The following RPAP2 variants were observed in gnomAD, a reference collection of about 807,000 sequenced individuals.
The protein encoded by RPAP2 is putative RNA polymerase II subunit B1 CTD phosphatase RPAP2.
In RPAP2, 52 loss-of-function variants were observed where a neutral mutation model predicts 73.1. The observed-to-expected ratio is 0.71, with a 90% confidence interval of 0.57 to 0.90. The LOEUF (loss-of-function observed/expected upper bound fraction) is 0.90, where lower values mean the gene tolerates loss of function less well. Ranked by LOEUF, RPAP2 falls within the 40% of genes least tolerant of loss-of-function variation. The probability of loss-of-function intolerance (pLI) is 0.00; values close to 1 mark genes in which losing one functional copy is unlikely to be tolerated. For synonymous variants in RPAP2, 225 were observed against 242.1 expected, an observed-to-expected ratio of 0.93 and a Z score of 0.65; for missense variants, 598 against 701.8, an observed-to-expected ratio of 0.85 and a Z score of 1.67.
At position 92,352,365 on chromosome 1, in the gene RPAP2, G is replaced by A. The variant is rs987457860; in HGVS notation, c.1688+6451G>A. Reference sequence around the variant, plus strand: ...AGCCACTTTAGGTAACCATCATACAGATAGATACTCTGGAGAGTCACTTCC... The same window carrying A: ...AGCCACTTTAGGTAACCATCATACAAATAGATACTCTGGAGAGTCACTTCC... On this transcript the variant is annotated intron_variant, in intron 11 of 12. Coordinates refer to ENST00000610020, the MANE Select transcript of RPAP2 (RefSeq NM_024813.3). 2.6e-5 allele frequency among the ~76,000 whole-genome samples: 4 copies of A among 152,198 alleles called. No homozygotes were observed. The South Asian group carries it at 6.2e-4, about 24-fold the overall frequency.
chr1:92,375,127 T>G (rs1180657659), intron 11 of RPAP2, among the ~76,000 whole-genome samples: 1 of 152,150 alleles, frequency 6.6e-6, no homozygotes, highest in Admixed American at 6.6e-5. Context: ...AAGCAAATCA[T>G]AATACTCTTG....
chr1:92,332,647 C>T (rs1653039514), intron 8 of RPAP2, among the ~76,000 whole-genome samples: 1 of 152,134 alleles, frequency 6.6e-6, no homozygotes, highest in Non-Finnish European at 1.5e-5. Flanking sequence ...GTGGGATTCA[C>T]TCCCTGAAAG....
chr1:92,380,714 G>T lies in RPAP2; in HGVS notation c.1689-10G>T. On this transcript the variant is annotated splice_polypyrimidine_tract_variant and intron_variant, in intron 11 of 12. Coordinates refer to ENST00000610020, the MANE Select transcript of RPAP2 (RefSeq NM_024813.3). ...CATGGATATGCATTTAGTATTTTTG[G>T]TTGTTTCAGACTGACCCCAATTCTT... The T allele has an allele frequency of 1.3e-6, 2 of 1,549,490 alleles. No individual in the cohort carries two copies. Among genetic ancestry groups the T allele is most frequent in the Non-Finnish European group, 1.7e-6 (2 of 1,156,030 alleles).
chr1:92,333,090 A>G (rs1461895753), intron 8 of RPAP2, among the ~76,000 whole-genome samples: 1 of 152,188 alleles, frequency 6.6e-6, no homozygotes, highest in African/African-American at 2.4e-5. Context: ...ACATTTGTAC[A>G]GCACTTAGCA....
At chr1:92,321,473 T>C (rs1281502256) in intron 7 of RPAP2, among the ~76,000 whole-genome samples, 1 of 151,866 alleles carries the variant, frequency 6.6e-6, no homozygotes, top group African/African-American at 2.4e-5. Context: ...TATATATATA[T>C]ATATTTTTTT....
At chr1:92,312,232 G>A (rs910405161) in intron 6 of RPAP2, among the ~76,000 whole-genome samples, 1 of 151,976 alleles carries the variant, frequency 6.6e-6, no homozygotes, top group Admixed American at 6.6e-5. Flanking sequence ...CAACATAGAG[G>A]GACCCATCTC....
chr1:92,371,319 A>AAAAATATATATATATAT (rs1199565882), intron 11 of RPAP2, among the ~76,000 whole-genome samples: 3 of 61,724 alleles, frequency 4.9e-5, no homozygotes, highest in African/African-American at 2.2e-4. Context: ...AAAAAAAAAA[A>AAAAATATATATATATAT]ATATATATAT....
intron 11 of RPAP2, among the ~76,000 whole-genome samples, chr1:92,378,216 C>CATTT (rs1655474006): frequency 6.6e-6 from 1 of 150,998 alleles, no homozygotes; most frequent in South Asian, 2.1e-4. Context: ...TTCATTCATT[C>CATTT]ATTTTTGAGA....
At chr1:92,358,716 C>T (rs562226445) in intron 11 of RPAP2, among the ~76,000 whole-genome samples, 17 of 151,880 alleles carry the variant, frequency 1.1e-4, no homozygotes, top group African/African-American at 4.1e-4. Flanking sequence ...GCCTCCCGTG[C>T]AGCTGGGACC....
chr1:92,307,256 A>G lies in RPAP2; in HGVS notation c.468A>G (p.Val156=), dbSNP rs1334704257. ...FFEAQIPKTP[V]WVREEERHPD... ...AAGCACAAATTCCCAAAACTCCAGTATGGGTTCGAGAAGAAGAGAGGTAAT... is the reference window on the plus strand; with the variant it reads ...AAGCACAAATTCCCAAAACTCCAGTGTGGGTTCGAGAAGAAGAGAGGTAAT... The change falls in exon 6 of 13, where the codon GTA becomes GTG. Residue 156 remains valine, a synonymous_variant. Transcript: ENST00000610020. The G allele has an allele frequency of 1.9e-6, 3 of 1,610,742 alleles. 1 individual carries two copies. The highest frequency in any genetic ancestry group is 2.2e-5 in the East Asian group (1 of 44,784).
intron 11 of RPAP2, among the ~76,000 whole-genome samples, chr1:92,377,650 G>C (rs1655446654): frequency 6.6e-6 from 1 of 151,850 alleles, no homozygotes. Flanking sequence ...TCAGAGTCCT[G>C]TTTTGATAAT....
At chr1:92,337,782 T>C (rs1396569852) in intron 10 of RPAP2, among the ~76,000 whole-genome samples, 2 of 152,134 alleles carry the variant, frequency 1.3e-5, no homozygotes, top group Non-Finnish European at 2.9e-5. Context: ...TGAGGGGACA[T>C]TGATTTTCAT....
chr1:92,300,151 C>T (rs775223328), intron 1 of RPAP2, 43 bp from the exon 2 acceptor site: 18 of 1,427,920 alleles, frequency 1.3e-5, no homozygotes, highest in South Asian at 2.3e-5. Flanking sequence ...CCGTCGTTTA[C>T]GGAAATGTCA....
rs1217530565 is a variant in RPAP2 at position 92,303,981 on chromosome 1, G to T, written c.239G>T (p.Arg80Met). The T allele has an allele frequency of 2.5e-6, 4 of 1,601,000 alleles. No individual in the cohort carries two copies. The South Asian group carries it at 3.4e-5, about 14-fold the overall frequency. Residue 80 changes from arginine (R) to methionine (M), a missense_variant, in exon 4 of 13, where the codon AGG (arginine) becomes ATG (methionine). Arg to Met is a moderately conservative substitution (Grantham distance 91). Around this residue, in one of 3 missense-constraint regions of RPAP2, gnomAD observed 506 missense variants for 612.8 expected, o/e 0.83. Transcript: ENST00000610020. The stretch of plus-strand genomic sequence containing the variant: ...AACCCTCTCATTTCATTTTAGGGGA[G>T]GTTCATTACACCTGCTCACTACAGT... ...ITEEFLMECGRFITPAHYSDV... is the reference protein window; with the variant it reads ...ITEEFLMECGMFITPAHYSDV...
At chr1:92,332,863 G>A (rs918507012) in intron 8 of RPAP2, among the ~76,000 whole-genome samples, 2 of 152,140 alleles carry the variant, frequency 1.3e-5, no homozygotes, top group African/African-American at 2.4e-5. Context: ...ATCTCAGACT[G>A]TAATTCTTTA....
At chr1:92,357,094 T>TAA (rs1553154386) in intron 11 of RPAP2, among the ~76,000 whole-genome samples, 37 of 144,756 alleles carry the variant, frequency 2.6e-4, no homozygotes, top group Non-Finnish European at 4.3e-4. Flanking sequence ...AAGGATTACA[T>TAA]ACACACACAC....
Position 92,324,114 on chromosome 1 carries a change from C to A in RPAP2, c.1194C>A (p.Pro398=). The part of the protein sequence containing the change: ...GQNYASVCLK[P]EASLVKEELD... ...ATTATGCTTCTGTGTGTCTGAAACC[C>A]GAAGCCTCTCTGGTTAAAGAAGAAC... The change falls in exon 8 of 13, where the codon CCC becomes CCA. Residue 398 remains proline (P), a synonymous_variant. Coordinates refer to ENST00000610020, the MANE Select transcript of RPAP2 (RefSeq NM_024813.3). The A allele has an allele frequency of 6.2e-7, 1 of 1,614,020 alleles. No individual in the cohort carries two copies. Among genetic ancestry groups the A allele is most frequent in the Non-Finnish European group, 8.5e-7 (1 of 1,179,956 alleles).
chr1:92,387,097 A>AT lies in RPAP2; in HGVS notation c.*87dup. 9 of 1,349,886 alleles carry AT rather than the reference A, an allele frequency of 6.7e-6. No homozygotes were observed. The highest frequency in any genetic ancestry group is 7.1e-6 in the Non-Finnish European group (7 of 980,262). 83.6% of individuals were successfully genotyped at this position (1,349,886 alleles called of 1,614,324 possible). On this transcript the variant is annotated 3_prime_UTR_variant, in exon 13 of 13. Coordinates refer to ENST00000610020, the MANE Select transcript of RPAP2 (RefSeq NM_024813.3). ...CGCCATGATGGTCTGGTGGTGACTG[A>AT]TAACTAGTTTTATTCCAAGACATAC...
chr1:92,381,047 CTACT>C (rs1289605684), intron 12 of RPAP2, among the ~76,000 whole-genome samples, 174 bp downstream of exon 12: 1 of 152,078 alleles, frequency 6.6e-6, no homozygotes, highest in African/African-American at 2.4e-5. Flanking sequence ...CACTTCCTGT[CTACT>C]TACTTTGTGC....
Sources: allele counts gnomAD v4.1 joint callset (sites outside exome capture counted in the v4.1 genomes callset), GRCh38; gene constraint gnomAD v4.1.1; regional missense constraint gnomAD v4.1.1; transcripts MANE v1.5; gene names NCBI Gene and HGNC (gene_info 2026-07-23, HGNC 2026-07-21).